Variants in DPP10 observed in about 807,000 individuals in gnomAD.
DPP10 encodes dipeptidyl peptidase like 10.
DPP10 carries 33 observed loss-of-function variants against 120.9 expected under a neutral mutation model. The ratio of observed to expected loss-of-function variants is 0.27; its 90% CI spans 0.21 to 0.37. The LOEUF (loss-of-function observed/expected upper bound fraction) is 0.37. DPP10 is among the 10% of genes least tolerant of loss of function. The pLI, the probability that DPP10 is intolerant of heterozygous loss-of-function variation, is 1.00. For missense variants in DPP10, 816 were observed against 942.8 expected (o/e 0.87, Z 1.76); for synonymous variants, 337 against 326.1 (o/e 1.03, Z -0.36).
At chr2:114,613,133 G>C (rs1693410561) in intron 1 of DPP10, among the ~76,000 whole-genome samples, 1 of 152,058 alleles carries the variant, frequency 6.6e-6, no homozygotes, top group Admixed American at 6.6e-5. Context: ...ACACTGAATT[G>C]AATTTATGGT....
intron 1 of DPP10, among the ~76,000 whole-genome samples, chr2:114,761,019 AT>A (rs1268639651): frequency 6.6e-6 from 1 of 152,182 alleles, no homozygotes; most frequent in African/African-American, 2.4e-5. Flanking sequence ...ACATTAATAG[AT>A]TCTGATAGCA....
At chr2:114,577,615 A>G (rs1197947613) in intron 1 of DPP10, among the ~76,000 whole-genome samples, 1 of 152,174 alleles carries the variant, frequency 6.6e-6, no homozygotes, top group Non-Finnish European at 1.5e-5. Context: ...GCATGACAGC[A>G]ACTGTATTGG....
At chr2:115,262,317 A>G (rs760765356) in intron 1 of DPP10, among the ~76,000 whole-genome samples, 7 of 151,960 alleles carry the variant, frequency 4.6e-5, no homozygotes, top group Admixed American at 6.6e-5. Flanking sequence ...TTCTATCTCT[A>G]TATTCAATAA....
At chr2:115,699,038 A>AAC (rs1344421267) in intron 7 of DPP10, among the ~76,000 whole-genome samples, 1 of 147,552 alleles carries the variant, frequency 6.8e-6, no homozygotes, top group African/African-American at 2.6e-5. Context: ...AAAAAAAACA[A>AAC]AAAAAAAAAA....
chr2:114,696,803 C>T (rs908979688), intron 1 of DPP10, among the ~76,000 whole-genome samples: 10 of 151,864 alleles, frequency 6.6e-5, no homozygotes, highest in African/African-American at 1.2e-4. Flanking sequence ...AAAGCCATAT[C>T]GCTTGAAAAA....
At chr2:115,014,726 A>T (rs1702509272) in intron 1 of DPP10, among the ~76,000 whole-genome samples, 1 of 152,138 alleles carries the variant, frequency 6.6e-6, no homozygotes, top group Admixed American at 6.5e-5. Context: ...TATGCAAATA[A>T]ACTAGAAAAT....
At chr2:115,440,133 G>C (rs975118543) in intron 3 of DPP10, among the ~76,000 whole-genome samples, 16 of 151,896 alleles carry the variant, frequency 1.1e-4, no homozygotes, top group African/African-American at 3.6e-4. Context: ...ATTTGTAATA[G>C]AGAAAGATAA....
At chr2:115,680,774 A>T (rs2090597154) in intron 5 of DPP10, among the ~76,000 whole-genome samples, 1 of 151,906 alleles carries the variant, frequency 6.6e-6, no homozygotes. Flanking sequence ...CACAGATGCT[A>T]AATAGGGTAA....
intron 9 of DPP10, among the ~76,000 whole-genome samples, chr2:115,743,842 A>T (rs1055667099): frequency 1.3e-5 from 2 of 150,618 alleles, no homozygotes; most frequent in Non-Finnish European, 2.9e-5. Flanking sequence ...CTCAGGTTTC[A>T]TGGACTTACA....
At chr2:114,895,270 T>C (rs189111804) in intron 1 of DPP10, among the ~76,000 whole-genome samples, 24 of 152,354 alleles carry the variant, frequency 1.6e-4, no homozygotes, top group South Asian at 6.2e-4. Context: ...TCACAATCTA[T>C]GAAGAATTAC....
chr2:115,679,692 A>G (rs973952533), intron 5 of DPP10, among the ~76,000 whole-genome samples: 1 of 152,218 alleles, frequency 6.6e-6, no homozygotes, highest in Non-Finnish European at 1.5e-5. Flanking sequence ...TGTTATTTGC[A>G]TCAACATGGA....
chr2:115,465,546 G>C (rs777537241), intron 3 of DPP10, among the ~76,000 whole-genome samples: 1 of 152,196 alleles, frequency 6.6e-6, no homozygotes, highest in Non-Finnish European at 1.5e-5. Flanking sequence ...ATGTAGGCCA[G>C]GCATGGTGGC....
intron 5 of DPP10, among the ~76,000 whole-genome samples, chr2:115,572,302 G>A (rs1040783695): frequency 8.6e-5 from 13 of 151,652 alleles, no homozygotes; most frequent in African/African-American, 2.2e-4. Context: ...CTAAACTTAC[G>A]TCTTTTTTTC....
At chr2:115,650,026 A>AT (rs1491445885) in intron 5 of DPP10, among the ~76,000 whole-genome samples, 1 of 150,986 alleles carries the variant, frequency 6.6e-6, no homozygotes, top group African/African-American at 2.5e-5. Flanking sequence ...GCAAAAAAAA[A>AT]GAGAGAGACT....
intron 1 of DPP10, among the ~76,000 whole-genome samples, chr2:114,742,486 CT>C (rs906138564): frequency 1.3e-5 from 2 of 151,986 alleles, no homozygotes; most frequent in African/African-American, 4.8e-5. Context: ...TTAATAGCTG[CT>C]TTTTTTTCTT....
chr2:114,463,999 AATATT>A (rs1679144598), intron 1 of DPP10, among the ~76,000 whole-genome samples: 1 of 152,206 alleles, frequency 6.6e-6, no homozygotes, highest in South Asian at 2.1e-4. Context: ...ATTGCTAAGT[AATATT>A]ATCTGTGGAT....
intron 3 of DPP10, among the ~76,000 whole-genome samples, chr2:115,441,212 A>G (rs570307573): frequency 6.6e-6 from 1 of 152,292 alleles, no homozygotes; most frequent in South Asian, 2.1e-4. Context: ...GGTCACAGGA[A>G]AAAAAGGGGG....
chr2:114,868,115 A>G (rs1339866417), intron 1 of DPP10, among the ~76,000 whole-genome samples: 1 of 152,224 alleles, frequency 6.6e-6, no homozygotes, highest in Non-Finnish European at 1.5e-5. Flanking sequence ...GTTGCTTAGC[A>G]TTTTAACAGG....
At chr2:115,052,785 C>T (rs1016663880) in intron 1 of DPP10, among the ~76,000 whole-genome samples, 40 of 152,052 alleles carry the variant, frequency 2.6e-4, no homozygotes, top group African/African-American at 8.5e-4. Context: ...AACCCCGTCT[C>T]TACTCAAAAT....
Sources: gnomAD v4.1 joint callset for allele counts (sites outside exome capture counted in the v4.1 genomes callset) on GRCh38, gnomAD v4.1.1 for gene constraint, MANE v1.5 for transcripts, NCBI Gene and HGNC (gene_info 2026-07-23, HGNC 2026-07-21) for gene names.